AMN: variants seen among roughly 807,000 people sequenced by gnomAD.
The protein encoded by AMN is protein amnionless.
AMN carries 40 observed loss-of-function variants against 49.1 expected under a neutral mutation model. The ratio of observed to expected loss-of-function variants is 0.81; its 90% CI spans 0.63 to 1.06. AMN has a LOEUF of 1.06. AMN is among the 50% of genes least tolerant of loss of function. The probability of loss-of-function intolerance (pLI) is 0.00; values close to 1 mark genes in which losing one functional copy is unlikely to be tolerated. For missense variants in AMN, 701 were observed against 662.8 expected (o/e 1.06, Z -0.63); for synonymous variants, 380 against 313.3 (o/e 1.21, Z -2.25).
At chr14:102,923,256 C>T (rs897881263) in intron 1 of AMN, 1 of 276,594 alleles carries the variant, frequency 3.6e-6, no homozygotes, top group Non-Finnish European at 7.0e-6. Flanking sequence ...CCAGCCCCTT[C>T]TTACTTCTCA....
chr14:102,930,263 G>A lies in AMN; in HGVS notation c.1105G>A (p.Val369Met). ...GCTGGCGGGCGGCGTGGCGGCTGCC[G>A]TGCTGCTGGCGCTGCTGGTCCTGCT... The part of the protein sequence containing the change: ...AGLAGGVAAA[V>M]LLALLVLLVA... Residue 369 changes from valine (V) to methionine (M), a missense_variant, in exon 10 of 12, where the codon GTG becomes ATG. Val to Met is a conservative substitution (Grantham distance 21). Coordinates refer to ENST00000299155, the MANE Select transcript of AMN (RefSeq NM_030943.4). The A allele has an allele frequency of 7.2e-7, 1 of 1,383,604 alleles. No homozygotes were observed. Among genetic ancestry groups the A allele is most frequent in the South Asian group, 1.7e-5 (1 of 60,200 alleles). The allele number at this position is 1,383,604 out of a possible 1,614,324, so 85.7% of individuals were successfully genotyped here.
chr14:102,923,841 C>A lies in AMN; in HGVS notation c.162+12C>A. On this transcript the variant is annotated intron_variant, in intron 2 of 11. Coordinates refer to ENST00000299155, the MANE Select transcript of AMN (RefSeq NM_030943.4). ...TCCCGGCGGACAAGGTGCCTGGGAG[C>A]GCCGGCGGGGTCGGTGATGGGCCTG... 1 of 1,612,480 alleles carries A rather than the reference C, an allele frequency of 6.2e-7. No individual in the cohort carries two copies. Among genetic ancestry groups the A allele is most frequent in the Non-Finnish European group, 8.5e-7 (1 of 1,179,716 alleles).
At chr14:102,929,781 C>A in intron 8 of AMN, 44 bp downstream of exon 8, 1 of 1,546,486 alleles carries the variant, frequency 6.5e-7, no homozygotes, top group Admixed American at 2.0e-5. Flanking sequence ...CCGACCCCAG[C>A]CCTACCGCCT....
At chr14:102,929,834 C>T in intron 8 of AMN, 90 bp from the exon 9 acceptor site, 1 of 1,543,282 alleles carries the variant, frequency 6.5e-7, no homozygotes, top group Non-Finnish European at 8.8e-7. Flanking sequence ...CGGCTGCTCA[C>T]TTGCCCACTA....
chr14:102,927,684 G>A (rs1020158623), intron 3 of AMN, among the ~76,000 whole-genome samples: 1 of 152,192 alleles, frequency 6.6e-6, no homozygotes, highest in African/African-American at 2.4e-5. Flanking sequence ...GGTTGCCCTG[G>A]CCCAGCGCTC....
At chr14:102,929,395 G>T (rs2139310506) in intron 6 of AMN, 33 bp from the exon 7 acceptor site, 1 of 1,526,858 alleles carries the variant, frequency 6.5e-7, no homozygotes, top group African/African-American at 1.4e-5. Flanking sequence ...GTCCGCTCTG[G>T]CCCTCCGCGC....
intron 2 of AMN, 38 bp downstream of exon 2, chr14:102,923,867 G>A (rs201557681): frequency 6.2e-7 from 1 of 1,612,744 alleles, no homozygotes; most frequent in Non-Finnish European, 8.5e-7. Flanking sequence ...GATGGGCCTG[G>A]ACCCCTGAGA....
At chr14:102,926,374 G>A (rs1242486694) in intron 3 of AMN, among the ~76,000 whole-genome samples, 1 of 152,008 alleles carries the variant, frequency 6.6e-6, no homozygotes, top group African/African-American at 2.4e-5. Flanking sequence ...CGTGTGCCTG[G>A]GTGTTGTGGG....
At chr14:102,930,129 G>A in intron 9 of AMN, 36 bp from the exon 10 acceptor site, 1 of 1,500,414 alleles carries the variant, frequency 6.7e-7, no homozygotes, top group Non-Finnish European at 8.8e-7. Context: ...GCCTCGCCCC[G>A]CCGCGGGGAA....
intron 1 of AMN, 118 bp downstream of exon 1, chr14:102,922,849 T>C (rs1891089207): frequency 7.1e-7 from 1 of 1,405,632 alleles, no homozygotes; most frequent in Non-Finnish European, 9.6e-7. Context: ...GGGAGGGCTT[T>C]GGAGGGTTGG....
At chr14:102,922,760 C>T (rs1440101948) in intron 1 of AMN, 29 bp downstream of exon 1, 3 of 1,564,790 alleles carry the variant, frequency 1.9e-6, no homozygotes, top group South Asian at 2.3e-5. Flanking sequence ...GGTGCGGGCC[C>T]GGACGGTAGC....
chr14:102,926,176 C>T (rs1224197130), intron 3 of AMN, among the ~76,000 whole-genome samples: 2 of 152,176 alleles, frequency 1.3e-5, no homozygotes, highest in Non-Finnish European at 2.9e-5. Context: ...AAACGCCTTA[C>T]CTTAGAACTG....
intron 1 of AMN, 70 bp downstream of exon 1, chr14:102,922,801 C>T (rs1266953431): frequency 1.3e-6 from 2 of 1,530,122 alleles, no homozygotes; most frequent in African/African-American, 1.4e-5. Context: ...CGAGGTCGCT[C>T]TAGGCCTGGA....
At chr14:102,927,490 G>C (rs1815064459) in intron 3 of AMN, among the ~76,000 whole-genome samples, 1 of 152,098 alleles carries the variant, frequency 6.6e-6, no homozygotes, top group Non-Finnish European at 1.5e-5. Context: ...CTGCACCTGT[G>C]GGGGGACTTG....
chr14:102,930,489 A>T lies in AMN; in HGVS notation c.1253A>T (p.Glu418Val). The change falls in exon 11 of 12, where the codon GAG becomes GTG. Residue 418 changes from glutamate to valine, a missense_variant. Glu to Val is a moderately radical substitution (Grantham distance 121). Coordinates refer to ENST00000299155, the MANE Select transcript of AMN (RefSeq NM_030943.4). ...GTGTTCGACGTGACGGCCTCCGAGG[A>T]GCTGGTGAGGGGGCTGGAGGGGGGA... ...NPVFDVTASEELPLPRRLSLV... is the reference protein window; with the variant it reads ...NPVFDVTASEVLPLPRRLSLV... 1 of 1,533,646 alleles carries T rather than the reference A, an allele frequency of 6.5e-7. No homozygotes were observed. Among genetic ancestry groups the T allele is most frequent in the Admixed American group, 2.0e-5 (1 of 50,352 alleles).
Position 102,930,487 on chromosome 14 carries a change from G to A in AMN, c.1251G>A (p.Glu417=). 3 of 1,535,402 alleles carry A rather than the reference G, an allele frequency of 2.0e-6. No individual in the cohort carries two copies. Among genetic ancestry groups the A allele is most frequent in the Admixed American group, 2.0e-5 (1 of 50,466 alleles). ...RNPVFDVTAS[E]ELPLPRRLSL... is the part of the protein sequence containing the mutation. ...CGGTGTTCGACGTGACGGCCTCCGAGGAGCTGGTGAGGGGGCTGGAGGGGG... is the reference window on the plus strand; with the variant it reads ...CGGTGTTCGACGTGACGGCCTCCGAAGAGCTGGTGAGGGGGCTGGAGGGGG... Residue 417 remains glutamate, a synonymous_variant, in exon 11 of 12, where the codon GAG becomes GAA. Coordinates refer to ENST00000299155, the MANE Select transcript of AMN (RefSeq NM_030943.4).
intron 1 of AMN, chr14:102,923,271 G>C (rs1891103008): frequency 3.5e-6 from 1 of 285,492 alleles, no homozygotes; most frequent in Non-Finnish European, 6.8e-6. Flanking sequence ...TTCTCATACC[G>C]GGTTGCGCTC....
chr14:102,928,318 T>G, intron 3 of AMN, 108 bp from the exon 4 acceptor site: 1 of 1,044,410 alleles, frequency 9.6e-7, no homozygotes, highest in South Asian at 1.4e-5. Flanking sequence ...CCCGGGCTCC[T>G]TCCGTGCACA....
intron 1 of AMN, chr14:102,923,451 GCTAT>G: frequency 2.0e-6 from 1 of 499,380 alleles, no homozygotes; most frequent in Non-Finnish European, 3.7e-6. Context: ...GTGCCGGGAG[GCTAT>G]CTAGGCAGGC....
Sources: gnomAD v4.1 joint callset for allele counts (sites outside exome capture counted in the v4.1 genomes callset) on GRCh38, gnomAD v4.1.1 for gene constraint, MANE v1.5 for transcripts, NCBI Gene and HGNC (gene_info 2026-07-23, HGNC 2026-07-21) for gene names.